FGFR2: variants seen among roughly 807,000 people sequenced by gnomAD.
FGFR2 encodes fibroblast growth factor receptor 2.
In FGFR2, 19 loss-of-function variants were observed where a neutral mutation model predicts 95.9. The observed-to-expected ratio is 0.20, with a 90% confidence interval of 0.14 to 0.29. FGFR2 has a LOEUF of 0.29. Ranked by LOEUF, FGFR2 falls within the 10% of genes least tolerant of loss-of-function variation. The pLI is 1.00. For missense variants in FGFR2, 707 were observed against 1,056.9 expected (o/e 0.67, Z 4.59); for synonymous variants, 392 against 393.3 (o/e 1.00, Z 0.04).
chr10:121,564,621 A>T, intron 3 of FGFR2, 42 bp from the exon 4 acceptor site: 1 of 1,584,496 alleles, frequency 6.3e-7, no homozygotes, highest in South Asian at 1.1e-5. Context: ...GTTTTTTGCA[A>T]AGCAAAAAGG....
chr10:121,483,663 C>T (rs761568428), intron 17 of FGFR2, 35 bp downstream of exon 17: 1 of 1,509,288 alleles, frequency 6.6e-7, no homozygotes, highest in East Asian at 2.3e-5. Context: ...CACAAGACAA[C>T]CAAGGACAAG....
At chr10:121,505,056 C>T (rs1456461026) in intron 9 of FGFR2, among the ~76,000 whole-genome samples, 4 of 152,202 alleles carry the variant, frequency 2.6e-5, no homozygotes, top group African/African-American at 9.6e-5. Flanking sequence ...GATAGTACTC[C>T]TGGATGTGCT....
intron 4 of FGFR2, among the ~76,000 whole-genome samples, chr10:121,557,355 C>A (rs1856299146): frequency 6.6e-6 from 1 of 152,212 alleles, no homozygotes; most frequent in South Asian, 2.1e-4. Context: ...GTTGCCCAGG[C>A]TGCACTGCAG....
intron 6 of FGFR2, among the ~76,000 whole-genome samples, chr10:121,528,258 C>G (rs1248352331): frequency 6.6e-6 from 1 of 152,184 alleles, no homozygotes; most frequent in Non-Finnish European, 1.5e-5. Context: ...GAAAAATATT[C>G]ACACAGATGC....
At chr10:121,489,990 C>A (rs146521497) in intron 13 of FGFR2, among the ~76,000 whole-genome samples, 1 of 152,156 alleles carries the variant, frequency 6.6e-6, no homozygotes, top group African/African-American at 2.4e-5. Flanking sequence ...CGTCTATCCA[C>A]GTTCTCAGTC....
At chr10:121,591,896 G>T (rs1246879444) in intron 2 of FGFR2, among the ~76,000 whole-genome samples, 6 of 152,074 alleles carry the variant, frequency 3.9e-5, no homozygotes, top group Non-Finnish European at 7.4e-5. Context: ...GACTCACTCG[G>T]GGAACTTCGT....
chr10:121,516,076 A>G (rs1165188231), intron 8 of FGFR2, among the ~76,000 whole-genome samples: 1 of 152,166 alleles, frequency 6.6e-6, no homozygotes, highest in African/African-American at 2.4e-5. Context: ...GAGTATACAT[A>G]TAATTACTTA....
At chr10:121,595,572 C>T (rs535734079) in intron 1 of FGFR2, among the ~76,000 whole-genome samples, 55 of 152,344 alleles carry the variant, frequency 3.6e-4, no homozygotes, top group Non-Finnish European at 6.9e-4. Flanking sequence ...TTTCTTTCCT[C>T]TTAGTCAAGA....
At chr10:121,557,518 G>A (rs1256561581) in intron 4 of FGFR2, among the ~76,000 whole-genome samples, 1 of 152,006 alleles carries the variant, frequency 6.6e-6, no homozygotes, top group African/African-American at 2.4e-5. Context: ...ATGCTCCCGA[G>A]GCTAGTCTCA....
intron 17 of FGFR2, 111 bp from the exon 18 acceptor site, chr10:121,480,132 A>T (rs1367622141): frequency 3.5e-6 from 4 of 1,157,336 alleles, no homozygotes; most frequent in Admixed American, 3.4e-5. Context: ...AGGGAAGAGA[A>T]GAGTTTTATT....
chr10:121,568,575 C>T (rs1858056228), intron 2 of FGFR2, among the ~76,000 whole-genome samples: 1 of 151,698 alleles, frequency 6.6e-6, no homozygotes, highest in South Asian at 2.1e-4. Flanking sequence ...TAAGGTGCAA[C>T]CATGTCCCTA....
At chr10:121,491,169 C>A (rs1164113514) in intron 13 of FGFR2, among the ~76,000 whole-genome samples, 4 of 152,172 alleles carry the variant, frequency 2.6e-5, no homozygotes, top group Non-Finnish European at 4.4e-5. Context: ...CTGACGGCTC[C>A]CTCCACCATC....
intron 9 of FGFR2, among the ~76,000 whole-genome samples, chr10:121,512,629 A>T (rs1000285733): frequency 6.6e-6 from 1 of 152,082 alleles, no homozygotes; most frequent in Non-Finnish European, 1.5e-5. Context: ...TCCTGGGTTC[A>T]AAGGATCCTC....
intron 6 of FGFR2, among the ~76,000 whole-genome samples, chr10:121,523,235 C>A (rs767339654): frequency 2.0e-5 from 3 of 152,156 alleles, no homozygotes; most frequent in Non-Finnish European, 2.9e-5. Context: ...GTAGGCTGAG[C>A]AAAGAACCTG....
intron 6 of FGFR2, among the ~76,000 whole-genome samples, chr10:121,525,852 G>A (rs917964557): frequency 6.6e-6 from 1 of 152,026 alleles, no homozygotes; most frequent in Non-Finnish European, 1.5e-5. Flanking sequence ...GCATCCCGGG[G>A]ATCAGAAGGA....
At chr10:121,580,916 C>T (rs1486129436) in intron 2 of FGFR2, among the ~76,000 whole-genome samples, 2 of 106,890 alleles carry the variant, frequency 1.9e-5, no homozygotes, top group African/African-American at 5.7e-5. Flanking sequence ...AAGGGCTGTG[C>T]GCCGGCTCCC....
chr10:121,572,252 A>G (rs1858918080), intron 2 of FGFR2, among the ~76,000 whole-genome samples: 1 of 151,940 alleles, frequency 6.6e-6, no homozygotes, highest in South Asian at 2.1e-4. Flanking sequence ...TGAGCCCCAG[A>G]GGCTGCACTG....
chr10:121,593,834 C>G lies in FGFR2; in HGVS notation c.-17G>C, dbSNP rs766629665. On this transcript the variant is annotated 5_prime_UTR_variant, in exon 2 of 18. Transcript: ENST00000358487. ...GCTGACCATGGTTACGGTACCAATCCCCGGTCCTCTTCCATATCTCCATGT... is the reference window on the plus strand; with the variant it reads ...GCTGACCATGGTTACGGTACCAATCGCCGGTCCTCTTCCATATCTCCATGT... 1.2e-6 allele frequency: 2 copies of G among 1,608,758 alleles called. No individual in the cohort carries two copies. The highest frequency in any genetic ancestry group is 1.7e-6 in the Non-Finnish European group (2 of 1,175,058).
chr10:121,561,782 C>T (rs1165337903), intron 4 of FGFR2, among the ~76,000 whole-genome samples: 1 of 152,104 alleles, frequency 6.6e-6, no homozygotes, highest in African/African-American at 2.4e-5. Context: ...AAACTATTTG[C>T]AAAAGAGATG....
Sources: allele counts gnomAD v4.1 joint callset (sites outside exome capture counted in the v4.1 genomes callset), GRCh38; gene constraint gnomAD v4.1.1; transcripts MANE v1.5; gene names NCBI Gene and HGNC (gene_info 2026-07-23, HGNC 2026-07-21).